Variants in ACTR3B observed in about 807,000 individuals in gnomAD.
The protein encoded by ACTR3B is actin-related protein 3B.
ACTR3B carries 8 observed loss-of-function variants against 59.0 expected under a neutral mutation model. That is an observed-to-expected ratio of 0.14 (90% CI 0.08 to 0.24). The LOEUF is 0.24. Ranked by LOEUF, ACTR3B falls within the 10% of genes least tolerant of loss-of-function variation. ACTR3B has a pLI of 1.00. For missense variants in ACTR3B, 245 were observed against 552.3 expected (o/e 0.44, Z 5.58); for synonymous variants, 148 against 197.9 (o/e 0.75, Z 2.12).
At chr7:152,760,132 A>G (rs2098084620) in intron 1 of ACTR3B, among the ~76,000 whole-genome samples, 1 of 152,036 alleles carries the variant, frequency 6.6e-6, no homozygotes, top group African/African-American at 2.4e-5. Context: ...GAAGGGCCAC[A>G]AGAGGAAAAG....
intron 9 of ACTR3B, 81 bp from the exon 10 acceptor site, chr7:152,852,045 G>C (rs891323071): frequency 6.3e-7 from 1 of 1,593,660 alleles, no homozygotes; most frequent in African/African-American, 1.3e-5. Context: ...GATTGGACCT[G>C]TGGGAGTTCT....
At chr7:152,773,393 C>G (rs1275144176) in intron 1 of ACTR3B, among the ~76,000 whole-genome samples, 1 of 152,058 alleles carries the variant, frequency 6.6e-6, no homozygotes, top group Non-Finnish European at 1.5e-5. Flanking sequence ...TCGAGACCAG[C>G]CTGGCCAACA....
chr7:152,802,135 A>G (rs1461535972), intron 4 of ACTR3B, among the ~76,000 whole-genome samples: 1 of 151,822 alleles, frequency 6.6e-6, no homozygotes, highest in Non-Finnish European at 1.5e-5. Flanking sequence ...CTTTCCCAGA[A>G]ACCTTCCCAG....
chr7:152,823,248 G>T (rs1382223853), intron 7 of ACTR3B, 94 bp from the exon 8 acceptor site: 2 of 1,548,042 alleles, frequency 1.3e-6, no homozygotes, highest in East Asian at 2.3e-5. Context: ...TGATCCCAGG[G>T]TGTGTTTGCT....
chr7:152,797,764 A>G (rs1012634064), intron 2 of ACTR3B, among the ~76,000 whole-genome samples: 14 of 152,190 alleles, frequency 9.2e-5, no homozygotes, highest in African/African-American at 2.9e-4. Flanking sequence ...GATCCTGCAT[A>G]TGAATGAGAC....
intron 1 of ACTR3B, among the ~76,000 whole-genome samples, chr7:152,761,901 G>A (rs1422907090): frequency 6.6e-6 from 1 of 152,166 alleles, no homozygotes; most frequent in African/African-American, 2.4e-5. Context: ...TTAGCCCAGT[G>A]GCTGCTGAAG....
intron 4 of ACTR3B, among the ~76,000 whole-genome samples, chr7:152,804,171 A>C (rs529046246): frequency 3.8e-4 from 58 of 152,276 alleles, no homozygotes; most frequent in African/African-American, 1.3e-3. Context: ...GGTTATGTGG[A>C]CTGAGCACCT....
chr7:152,793,022 ATTTTTTT>A (rs529256740), intron 2 of ACTR3B, among the ~76,000 whole-genome samples: 8 of 104,840 alleles, frequency 7.6e-5, no homozygotes, highest in African/African-American at 2.9e-4. Flanking sequence ...TAGAAGCTGA[ATTTTTTT>A]TTTTTTTTTT....
intron 9 of ACTR3B, among the ~76,000 whole-genome samples, chr7:152,825,507 G>T (rs1420123425): frequency 6.6e-6 from 1 of 151,968 alleles, no homozygotes; most frequent in Non-Finnish European, 1.5e-5. Context: ...AGTAGAGACG[G>T]TGTTTCACCA....
intron 5 of ACTR3B, among the ~76,000 whole-genome samples, chr7:152,815,393 A>T (rs1050577098): frequency 5.3e-5 from 8 of 152,334 alleles, no homozygotes; most frequent in African/African-American, 1.7e-4. Flanking sequence ...TTAACTACAG[A>T]TCTTCCCCCG....
intron 4 of ACTR3B, among the ~76,000 whole-genome samples, chr7:152,803,038 T>C (rs2098241650): frequency 6.6e-6 from 1 of 152,164 alleles, no homozygotes; most frequent in African/African-American, 2.4e-5. Flanking sequence ...TTTATTTTAC[T>C]GTTTTGCTCT....
chr7:152,837,233 A>G (rs2116938336), intron 9 of ACTR3B, among the ~76,000 whole-genome samples: 1 of 152,350 alleles, frequency 6.6e-6, no homozygotes, highest in East Asian at 1.9e-4. Context: ...CTAAATGTGT[A>G]TATTTCTGAG....
intron 1 of ACTR3B, among the ~76,000 whole-genome samples, chr7:152,778,919 G>GGTGACAGA (rs1267692092): frequency 1.8e-5 from 2 of 111,182 alleles, no homozygotes; most frequent in Non-Finnish European, 3.3e-5. Context: ...CTCCAGCCTG[G>GGTGACAGA]GTGACAGAGT....
At chr7:152,816,300 G>C (rs546140443) in intron 5 of ACTR3B, among the ~76,000 whole-genome samples, 181 bp from the exon 6 acceptor site, 2 of 151,946 alleles carry the variant, frequency 1.3e-5, no homozygotes, top group African/African-American at 2.4e-5. Context: ...CAACATTTTC[G>C]TGTTAGTTGT....
chr7:152,777,454 T>C (rs1038114692), intron 1 of ACTR3B, among the ~76,000 whole-genome samples: 5 of 152,310 alleles, frequency 3.3e-5, no homozygotes, highest in African/African-American at 1.2e-4. Flanking sequence ...CATGTAGTTA[T>C]GTGGTGTATT....
Position 152,774,174 on chromosome 7 carries a change from T to A in ACTR3B, c.45-9013T>A, listed in dbSNP as rs149177219. 9.3e-3 allele frequency among the ~76,000 whole-genome samples: 1,423 copies of A among 152,374 alleles called. 16 individuals are homozygous for A. The highest frequency in any genetic ancestry group is 0.033 in the East Asian group (170 of 5,192). On this transcript the variant is annotated intron_variant, in intron 1 of 11. Coordinates refer to ENST00000256001, the MANE Select transcript of ACTR3B (RefSeq NM_020445.6). ...TTTTTGAGATGGAGTTTTGCTCTTG[T>A]TGCCCAGGCTGGAGTGCAATGGCGT...
At chr7:152,842,750 G>T (rs934008942) in intron 9 of ACTR3B, among the ~76,000 whole-genome samples, 6 of 152,346 alleles carry the variant, frequency 3.9e-5, no homozygotes, top group African/African-American at 1.4e-4. Context: ...CATTGGAAAT[G>T]TACTGAGTGT....
At chr7:152,839,447 CCTT>C (rs1797714512) in intron 9 of ACTR3B, among the ~76,000 whole-genome samples, 1 of 146,458 alleles carries the variant, frequency 6.8e-6, no homozygotes. Flanking sequence ...GCCTCAGCGT[CCTT>C]CTCGGCAGAA....
chr7:152,835,545 G>A (rs902233595), intron 9 of ACTR3B, among the ~76,000 whole-genome samples: 2 of 152,220 alleles, frequency 1.3e-5, no homozygotes, highest in Non-Finnish European at 2.9e-5. Context: ...GCTAAAATAT[G>A]CTGATACAGA....
Sources: allele counts gnomAD v4.1 joint callset (sites outside exome capture counted in the v4.1 genomes callset), GRCh38; gene constraint gnomAD v4.1.1; transcripts MANE v1.5; gene names NCBI Gene and HGNC (gene_info 2026-07-23, HGNC 2026-07-21).